TAOK2: variants seen among roughly 807,000 people sequenced by gnomAD.
TAOK2 encodes TAO kinase 2.
A neutral mutation model predicts 122.5 loss-of-function variants in TAOK2; 42 were observed. The observed-to-expected ratio is 0.34, with a 90% confidence interval of 0.27 to 0.44. The LOEUF (loss-of-function observed/expected upper bound fraction) is 0.44, where lower values mean the gene tolerates loss of function less well. Among genes scored for constraint, TAOK2 ranks in the 20% least tolerant of loss-of-function variants. The pLI is 1.00. For synonymous variants in TAOK2, 704 were observed against 677.6 expected (o/e 1.04, Z -0.61); for missense variants, 1,264 against 1,644.9 (o/e 0.77, Z 4.01).
chr16:29,983,270 G>A lies in TAOK2; in HGVS notation c.1198G>A (p.Ala400Thr), dbSNP rs2069676021. The A allele has an allele frequency of 2.5e-6, 4 of 1,606,884 alleles. No homozygotes were observed. In the East Asian group the frequency reaches 8.9e-5, roughly 36 times the overall value. ...EEEGPEAREM[A>T]MMQEGEHTVT... is the part of the protein sequence containing the mutation. ...AGAAGGCCCTGAAGCCCGGGAGATG[G>A]CCATGATGCAGGAGGGGGAGCACAC... The change falls in exon 12 of 16, where the codon GCC (alanine) becomes ACC (threonine). Residue 400 changes from alanine to threonine, a missense_variant. Ala to Thr is a moderately conservative substitution (Grantham distance 58, BLOSUM62 0). Around this residue, in one of 4 missense-constraint regions of TAOK2, gnomAD observed 122 missense variants for 116.7 expected, o/e 1.04. Coordinates refer to ENST00000308893, the MANE Select transcript of TAOK2 (RefSeq NM_016151.4).
rs1018198978 is a variant in TAOK2, at chr16:29,988,300, C to T, written c.*320C>T. The T allele has an allele frequency of 3.6e-5, 52 of 1,448,602 alleles. No individual in the cohort carries two copies. The highest frequency in any genetic ancestry group is 4.6e-5 in the Admixed American group (2 of 43,610). The allele number at this position is 1,448,602 out of a possible 1,614,324, so 89.7% of individuals were successfully genotyped here. A position where few individuals can be genotyped will look rare whatever the true frequency, so the allele number is the denominator to read the frequency against. ...GGAAGAGTCATGTTTTTTTTCTCCT[C>T]TTTGATTTTGTTTTTCTGTCTCCCT... On this transcript the variant is annotated 3_prime_UTR_variant, in exon 16 of 16. Coordinates refer to ENST00000308893, the MANE Select transcript of TAOK2 (RefSeq NM_016151.4).
At position 29,982,681 on chromosome 16, in the gene TAOK2, G is replaced by T; in HGVS notation, c.832-53G>T. 3 of 1,581,800 alleles carry T rather than the reference G, an allele frequency of 1.9e-6. No individual in the cohort carries two copies. The South Asian group carries it at 3.5e-5, about 19-fold the overall frequency. ...GCCTGAGGGAATGCCAAGGGCTGTG[G>T]GTTGTGGGGGGAAGGGGAGTTGGCA... On this transcript the variant is annotated intron_variant, in intron 10 of 15. Coordinates refer to ENST00000308893, the MANE Select transcript of TAOK2 (RefSeq NM_016151.4).
rs908240316 is a variant in TAOK2 at position 29,979,572 on chromosome 16, C to T, written c.655+64C>T. 7.0e-6 allele frequency: 9 copies of T among 1,287,596 alleles called. No individual in the cohort carries two copies. Among genetic ancestry groups the T allele is most frequent in the Non-Finnish European group, 8.4e-6 (8 of 955,474 alleles). 79.8% of individuals were successfully genotyped at this position (1,287,596 alleles called of 1,614,324 possible). Reference sequence around the variant, plus strand: ...TTCTTTCCTGTTAGTTCCCAGACTCCGGACTACCCCCTTCTCCTAGGGATG... The same window carrying T: ...TTCTTTCCTGTTAGTTCCCAGACTCTGGACTACCCCCTTCTCCTAGGGATG... On this transcript the variant is annotated intron_variant, in intron 8 of 15. Transcript: ENST00000308893. This position sits in a 1 kb window ranked among gnomAD's most constrained non-coding sequence, Gnocchi z 4.1.
chr16:29,978,408 A>G (rs761651564), intron 4 of TAOK2, 55 bp downstream of exon 4: 57 of 1,561,408 alleles, frequency 3.7e-5, no homozygotes, highest in Non-Finnish European at 4.5e-5. Context: ...GCCCGTCCTT[A>G]TCGTAGTCCA....
chr16:29,984,013 C>T (rs2069703476), intron 13 of TAOK2, among the ~76,000 whole-genome samples: 1 of 152,066 alleles, frequency 6.6e-6, no homozygotes, highest in African/African-American at 2.4e-5. Context: ...AGCCCTGTGC[C>T]TGTGGAGCCC....
intron 1 of TAOK2, among the ~76,000 whole-genome samples, chr16:29,976,390 C>T (rs2069455460): frequency 6.6e-6 from 1 of 152,190 alleles, no homozygotes; most frequent in South Asian, 2.1e-4. Flanking sequence ...GAGTCAGGCT[C>T]CCTCCTTGCC....
chr16:29,990,739 G>A (rs1207391911), downstream of TAOK2: 2 of 1,555,126 alleles, frequency 1.3e-6, no homozygotes, highest in Non-Finnish European at 1.7e-6. Context: ...AGGATAGTGG[G>A]GGTGGGGGAG....
Position 29,988,170 on chromosome 16 carries a change from G to A in TAOK2, c.*190G>A. The stretch of plus-strand genomic sequence containing the variant: ...AGCTGTGGAGTCCAGCAGTCACTCT[G>A]TGTTCTCCTGGCGCTCCTCCCCTAA... On this transcript the variant is annotated 3_prime_UTR_variant, in exon 16 of 16. Transcript: ENST00000308893. The A allele has an allele frequency of 7.0e-7, 1 of 1,432,942 alleles. No homozygotes were observed. The highest frequency in any genetic ancestry group is 1.5e-5 in the South Asian group (1 of 66,504). The allele number at this position is 1,432,942 out of a possible 1,614,324, so 88.8% of individuals were successfully genotyped here.
intron 1 of TAOK2, among the ~76,000 whole-genome samples, chr16:29,976,636 G>A (rs964707414): frequency 1.3e-5 from 2 of 152,154 alleles, no homozygotes; most frequent in Admixed American, 6.5e-5. Flanking sequence ...AACTTTCTCC[G>A]GGTGTTTGGT....
At chr16:29,984,207 C>T (rs1489176363) in intron 13 of TAOK2, among the ~76,000 whole-genome samples, 1 of 152,196 alleles carries the variant, frequency 6.6e-6, no homozygotes, top group Non-Finnish European at 1.5e-5. Context: ...TGTTAACCCT[C>T]CCAGCCCCCC....
chr16:29,980,280 A>C (rs2069574222), intron 8 of TAOK2: 1 of 152,252 alleles, frequency 6.6e-6, no homozygotes, highest in African/African-American at 2.4e-5. Context: ...TGCCAGGCAC[A>C]AAACAGTTGC....
downstream of TAOK2, chr16:29,991,917 C>A (rs552452933): frequency 5.3e-6 from 1 of 188,812 alleles, no homozygotes; most frequent in East Asian, 1.3e-4. This position sits in a 1 kb window ranked among gnomAD's most constrained non-coding sequence, Gnocchi z 5.6. Context: ...AACTATACTA[C>A]CCTCACAGTG....
downstream of TAOK2, chr16:29,991,348 G>T: frequency 6.3e-7 from 1 of 1,596,746 alleles, no homozygotes; most frequent in Non-Finnish European, 8.5e-7. This position sits in a 1 kb window ranked among gnomAD's most constrained non-coding sequence, Gnocchi z 5.6. Flanking sequence ...GCTCCCCCAG[G>T]CCCCCCAAAC....
chr16:29,980,888 G>A (rs1241373114), intron 8 of TAOK2: 1 of 152,212 alleles, frequency 6.6e-6, no homozygotes, highest in African/African-American at 2.4e-5. Flanking sequence ...ACTGGAGATT[G>A]CTGTTTCCAT....
chr16:29,987,443 T>C lies in TAOK2; in HGVS notation c.3171T>C (p.Ala1057=), dbSNP rs1049468717. The C allele has an allele frequency of 5.0e-6, 8 of 1,601,322 alleles. No homozygotes were observed. The highest frequency in any genetic ancestry group is 2.2e-5 in the South Asian group (2 of 90,144). ...AAWLLAWPGL[A]LPLVAMAAGG... ...GGCTCTTAGCTTGGCCAGGCCTAGC[T>C]CTACCTCTGGTGGCTATGGCAGCGG... Residue 1057 remains alanine, a synonymous_variant, in exon 16 of 16, where the codon GCT becomes GCC. Transcript: ENST00000308893.
downstream of TAOK2, chr16:29,991,392 C>G: frequency 6.4e-7 from 1 of 1,567,076 alleles, no homozygotes; most frequent in East Asian, 2.3e-5. This position sits in a 1 kb window ranked among gnomAD's most constrained non-coding sequence, Gnocchi z 5.6. Flanking sequence ...TGGGACACCC[C>G]GTGGCGGAGC....
chr16:29,981,467 A>G (rs776382448), intron 8 of TAOK2, 194 bp from the exon 9 acceptor site: 6 of 656,032 alleles, frequency 9.1e-6, no homozygotes, highest in Non-Finnish European at 1.7e-5. Flanking sequence ...ACCCGTGTGC[A>G]GTGGAGAGGA....
chr16:29,985,522 G>T lies in TAOK2; in HGVS notation c.1732G>T (p.Ala578Ser). The T allele has an allele frequency of 1.2e-6, 2 of 1,609,892 alleles. No homozygotes were observed. The highest frequency in any genetic ancestry group is 2.2e-5 in the East Asian group (1 of 44,844). The change falls in exon 14 of 16, where the codon GCC becomes TCC. Residue 578 changes from alanine (A) to serine (S), a missense_variant. This residue lies in a region of TAOK2 where 824 missense variants were observed against 908.7 expected (regional missense o/e 0.91). Transcript: ENST00000308893. This position sits in a 1 kb window ranked among gnomAD's most constrained non-coding sequence, Gnocchi z 6.9. ...ILGQQKKELA[A>S]LLEAQKRTYK... ...TGGGCAGCAGAAGAAGGAGCTGGCTGCCCTGCTGGAGGCACAGAAGCGGAC... is the reference window on the plus strand; with the variant it reads ...TGGGCAGCAGAAGAAGGAGCTGGCTTCCCTGCTGGAGGCACAGAAGCGGAC...
Position 29,985,443 on chromosome 16 carries a change from G to A in TAOK2, c.1653G>A (p.Glu551=). The A allele has an allele frequency of 6.2e-7, 1 of 1,611,146 alleles. No individual in the cohort carries two copies. The highest frequency in any genetic ancestry group is 8.5e-7 in the Non-Finnish European group (1 of 1,178,794). The change falls in exon 14 of 16, where the codon GAG becomes GAA. Residue 551 remains glutamate (E), a synonymous_variant. Transcript: ENST00000308893. This position sits in a 1 kb window ranked among gnomAD's most constrained non-coding sequence, Gnocchi z 6.9. ...CCCGGCGGCACCAGGCCATAGGTGA[G>A]AAGGAGGCACGAGCTGCCCAGGCCG... ...KLARRHQAIG[E]KEARAAQAEE...
Sources: gnomAD v4.1 joint callset for allele counts (sites outside exome capture counted in the v4.1 genomes callset) on GRCh38, gnomAD v4.1.1 for gene constraint, gnomAD v4.1.1 regional missense constraint, Gnocchi (gnomAD v3.1) non-coding constraint, MANE v1.5 for transcripts, NCBI Gene and HGNC (gene_info 2026-07-23, HGNC 2026-07-21) for gene names.